The following RHOA variants were observed in gnomAD, a reference collection of about 807,000 sequenced individuals.
RHOA encodes ras homolog family member A, also known as transforming protein RhoA.
RHOA carries 3 observed loss-of-function variants against 17.5 expected under a neutral mutation model. That is an observed-to-expected ratio of 0.17 (90% CI 0.08 to 0.44). The LOEUF (loss-of-function observed/expected upper bound fraction) is 0.44, where lower values mean the gene tolerates loss of function less well. Among genes scored for constraint, RHOA ranks in the 20% least tolerant of loss-of-function variants. The pLI is 0.99. For missense variants in RHOA, 56 were observed against 242.3 expected (o/e 0.23, Z 5.10); for synonymous variants, 98 against 88.4 (o/e 1.11, Z -0.61).
At chr3:49,403,357 G>T (rs749306835) in intron 1 of RHOA, among the ~76,000 whole-genome samples, 7 of 152,134 alleles carry the variant, frequency 4.6e-5, no homozygotes, top group East Asian at 1.9e-4. Context: ...AAAATTTAAA[G>T]CCTTGAGGAA....
rs950577704 is a variant in RHOA at position 49,368,411 on chromosome 3, G to A, written c.277+17C>T. On this transcript the variant is annotated intron_variant, in intron 3 of 4. Coordinates refer to ENST00000418115, the MANE Select transcript of RHOA (RefSeq NM_001664.4). ...CTACACAGGCAGTGACAAATATCAG[G>A]GTGCAGGGCCACTCACCTAAACTAT... 1 of 1,604,300 alleles carries A rather than the reference G, an allele frequency of 6.2e-7. No homozygotes were observed. Among genetic ancestry groups the A allele is most frequent in the Non-Finnish European group, 8.5e-7 (1 of 1,172,666 alleles).
intron 1 of RHOA, among the ~76,000 whole-genome samples, chr3:49,391,823 C>CTTTTT (rs59591685): frequency 1.2e-4 from 12 of 99,666 alleles, no homozygotes; most frequent in Non-Finnish European, 1.5e-4. Context: ...ATTAATTTAT[C>CTTTTT]TTTTTTTTTT....
chr3:49,392,160 CA>C (rs985026035), intron 1 of RHOA, among the ~76,000 whole-genome samples: 1 of 151,930 alleles, frequency 6.6e-6, no homozygotes, highest in African/African-American at 2.4e-5. Flanking sequence ...CAAACAAAAA[CA>C]AAAAAACAAT....
Position 49,404,611 on chromosome 3 carries a change from C to CAA in RHOA, c.-3+7207_-3+7208dup, listed in dbSNP as rs71080508. 1.2e-4 allele frequency among the ~76,000 whole-genome samples: 4 copies of CAA among 33,166 alleles called. 1 individual carries two copies. The highest frequency in any genetic ancestry group is 2.0e-4 in the Non-Finnish European group (4 of 20,378). 21.8% of individuals were successfully genotyped at this position (33,166 alleles called of 152,430 possible). A position where few individuals can be genotyped will look rare whatever the true frequency, so the allele number is the denominator to read the frequency against. On this transcript the variant is annotated intron_variant, in intron 1 of 4. Transcript: ENST00000418115. Reference sequence around the variant, plus strand: ...TAGACAACAGAGCAAGACTCCGTCTCAAAAAAAAAAAAAAAAAAAAAAAAA... The same window carrying CAA: ...TAGACAACAGAGCAAGACTCCGTCTCAAAAAAAAAAAAAAAAAAAAAAAAAAA...
chr3:49,379,762 T>C (rs1329127632), intron 1 of RHOA, among the ~76,000 whole-genome samples: 2 of 152,310 alleles, frequency 1.3e-5, no homozygotes, highest in Non-Finnish European at 2.9e-5. Context: ...GCGATCCTCC[T>C]GCCTGTCTCT....
intron 1 of RHOA, among the ~76,000 whole-genome samples, chr3:49,376,479 TA>T (rs2048229319): frequency 6.7e-6 from 1 of 149,058 alleles, no homozygotes; most frequent in Non-Finnish European, 1.5e-5. Flanking sequence ...CCATCTCTAC[TA>T]AAAATACAAA....
intron 1 of RHOA, among the ~76,000 whole-genome samples, chr3:49,379,800 G>A (rs548782731): frequency 2.6e-5 from 4 of 152,186 alleles, no homozygotes; most frequent in African/African-American, 9.7e-5. Context: ...ACAGGCGTGA[G>A]CCACCGCACC....
At chr3:49,381,699 T>C (rs2048319876) in intron 1 of RHOA, among the ~76,000 whole-genome samples, 1 of 151,460 alleles carries the variant, frequency 6.6e-6, no homozygotes, top group Admixed American at 6.6e-5. Flanking sequence ...ACCCCATCTC[T>C]ACTAAAAATA....
chr3:49,384,745 T>G (rs2048369277), intron 1 of RHOA, among the ~76,000 whole-genome samples: 1 of 152,022 alleles, frequency 6.6e-6, no homozygotes, highest in South Asian at 2.1e-4. Context: ...TGGGCTCAAG[T>G]GATGCCCCCA....
rs150714244 is a variant in RHOA at position 49,388,764 on chromosome 3, C to A, written c.-2-13173G>T. Among the ~76,000 whole-genome samples the A allele has an allele frequency of 1.6e-4, 24 of 152,264 alleles. No individual in the cohort carries two copies. In the East Asian group the frequency reaches 4.6e-3, roughly 29 times the overall value. ...TTTGAAATGTGGAGCTGTTCAATGGCCAGCCTACTAATGACTAATATCTCA... is the reference window on the plus strand; with the variant it reads ...TTTGAAATGTGGAGCTGTTCAATGGACAGCCTACTAATGACTAATATCTCA... On this transcript the variant is annotated intron_variant, in intron 1 of 4. Transcript: ENST00000418115.
intron 2 of RHOA, among the ~76,000 whole-genome samples, chr3:49,373,872 AT>A (rs1482867660): frequency 6.6e-6 from 1 of 151,772 alleles, no homozygotes; most frequent in Non-Finnish European, 1.5e-5. Context: ...GAAGCAGAAG[AT>A]TAAAAAAAAA....
intron 1 of RHOA, among the ~76,000 whole-genome samples, chr3:49,376,644 C>CAAAAAAA (rs963176937): frequency 2.3e-5 from 1 of 43,850 alleles, no homozygotes; most frequent in Admixed American, 2.2e-4. Context: ...CTCCATCTCA[C>CAAAAAAA]AAAAAAAAAA....
chr3:49,410,798 C>T (rs2048920355), intron 1 of RHOA, among the ~76,000 whole-genome samples: 1 of 152,182 alleles, frequency 6.6e-6, no homozygotes, highest in Non-Finnish European at 1.5e-5. Context: ...GAAATATCTA[C>T]TTACACACCT....
chr3:49,385,009 G>C (rs1439457985), intron 1 of RHOA, among the ~76,000 whole-genome samples: 1 of 150,392 alleles, frequency 6.6e-6, no homozygotes, highest in Non-Finnish European at 1.5e-5. Flanking sequence ...GTTGCAGTGA[G>C]CTGAGATGGC....
chr3:49,408,343 TC>T (rs1416288189), intron 1 of RHOA, among the ~76,000 whole-genome samples: 3 of 151,954 alleles, frequency 2.0e-5, no homozygotes, highest in African/African-American at 4.8e-5. Context: ...CTCATCCTCT[TC>T]AAAAAATAAA....
chr3:49,410,385 A>C (rs2048913025), intron 1 of RHOA, among the ~76,000 whole-genome samples: 1 of 152,122 alleles, frequency 6.6e-6, no homozygotes, highest in African/African-American at 2.4e-5. Flanking sequence ...CAGTATTCCT[A>C]CTCTCTTCTT....
chr3:49,376,085 C>T lies in RHOA; in HGVS notation c.-2-494G>A, dbSNP rs373661156. Among the ~76,000 whole-genome samples the T allele has an allele frequency of 6.9e-4, 105 of 152,040 alleles. 1 individual carries two copies. In the East Asian group the frequency reaches 0.016, roughly 24 times the overall value. On this transcript the variant is annotated intron_variant, in intron 1 of 4. Coordinates refer to ENST00000418115, the MANE Select transcript of RHOA (RefSeq NM_001664.4). ...TGAACTCCTGACCTCAGGTGATCCA[C>T]CTGCCTCAGCCTCCCAAAGTGCTGG...
At chr3:49,378,338 C>T (rs539081489) in intron 1 of RHOA, among the ~76,000 whole-genome samples, 1 of 148,560 alleles carries the variant, frequency 6.7e-6, no homozygotes, top group East Asian at 2.0e-4. Flanking sequence ...TCTCCACCTC[C>T]GAGGCTCAAG....
rs1010921970 is a variant in RHOA, at chr3:49,402,270, T to C, written c.-3+9550A>G. ...TACATTGCCTCTAAGACAATGCGTA[T>C]CTAGTAAAACTGACAAAGAAAAATG... On this transcript the variant is annotated intron_variant, in intron 1 of 4. Coordinates refer to ENST00000418115, the MANE Select transcript of RHOA (RefSeq NM_001664.4). Among the ~76,000 whole-genome samples, 3 of 152,282 alleles carry C rather than the reference T, an allele frequency of 2.0e-5. No homozygotes were observed. In the South Asian group the frequency reaches 6.2e-4, roughly 32 times the overall value.
Sources: gnomAD v4.1 joint callset for allele counts (sites outside exome capture counted in the v4.1 genomes callset) on GRCh38, gnomAD v4.1.1 for gene constraint, MANE v1.5 for transcripts, NCBI Gene and HGNC (gene_info 2026-07-23, HGNC 2026-07-21) for gene names.